The following RAB11FIP2 variants were observed in gnomAD, a reference collection of about 807,000 sequenced individuals.
RAB11FIP2 encodes RAB11 family interacting protein 2, also known as rab11 family-interacting protein 2.
Under a neutral mutation model 40.9 loss-of-function variants are expected in RAB11FIP2, and 16 were observed. The ratio of observed to expected loss-of-function variants is 0.39; its 90% CI spans 0.26 to 0.59. RAB11FIP2 has a LOEUF of 0.59. Ranked by LOEUF, RAB11FIP2 falls within the 20% of genes least tolerant of loss-of-function variation. The pLI, the probability that RAB11FIP2 is intolerant of heterozygous loss-of-function variation, is 0.53. For synonymous variants in RAB11FIP2, 228 were observed against 213.7 expected, an observed-to-expected ratio of 1.07 and a Z score of -0.58; for missense variants, 532 against 606.2, an observed-to-expected ratio of 0.88 and a Z score of 1.28.
At chr10:118,043,074 CT>C (rs1313016420) in intron 1 of RAB11FIP2, among the ~76,000 whole-genome samples, 4 of 152,086 alleles carry the variant, frequency 2.6e-5, no homozygotes, top group African/African-American at 9.7e-5. Context: ...TGGATTTAAA[CT>C]GTACATGGCC....
At chr10:118,019,650 C>T (rs1194952905) in intron 3 of RAB11FIP2, among the ~76,000 whole-genome samples, 1 of 151,666 alleles carries the variant, frequency 6.6e-6, no homozygotes, top group Non-Finnish European at 1.5e-5. Context: ...GGTGAAACCC[C>T]GTCTCTACTA....
chr10:118,008,940 C>T lies in RAB11FIP2; in HGVS notation c.*58G>A. ...CTCTTTCAGTAACAAGTTTTTCCTT[C>T]CTTCCTTCTTTCTTTCTCTCTCTTT... is the stretch of plus-strand genomic sequence containing the variant. On this transcript the variant is annotated 3_prime_UTR_variant, in exon 5 of 5. Coordinates refer to ENST00000355624, the MANE Select transcript of RAB11FIP2 (RefSeq NM_014904.3). The T allele has an allele frequency of 5.2e-6, 7 of 1,352,960 alleles. No individual in the cohort carries two copies. Among genetic ancestry groups the T allele is most frequent in the Admixed American group, 1.8e-5 (1 of 54,082 alleles). 83.8% of individuals were successfully genotyped at this position (1,352,960 alleles called of 1,614,324 possible). A position where few individuals can be genotyped will look rare whatever the true frequency, so the allele number is the denominator to read the frequency against.
chr10:118,023,387 A>G (rs962930122), intron 3 of RAB11FIP2, among the ~76,000 whole-genome samples: 5 of 152,206 alleles, frequency 3.3e-5, no homozygotes, highest in Admixed American at 6.5e-5. Flanking sequence ...ACGAAACTCA[A>G]TATTTTTTCT....
chr10:118,015,789 A>G (rs909726076), intron 3 of RAB11FIP2, among the ~76,000 whole-genome samples: 7 of 152,286 alleles, frequency 4.6e-5, no homozygotes, highest in Non-Finnish European at 7.4e-5. Context: ...CTGCAACCAA[A>G]AGACGCTAAA....
chr10:118,037,073 CAG>C (rs1846490850), intron 3 of RAB11FIP2, among the ~76,000 whole-genome samples: 2 of 152,072 alleles, frequency 1.3e-5, no homozygotes, highest in African/African-American at 4.8e-5. Flanking sequence ...CAAGTTACCT[CAG>C]ACAGTTGTTT....
intron 2 of RAB11FIP2, 36 bp downstream of exon 2, chr10:118,040,087 T>C: frequency 6.4e-7 from 1 of 1,555,966 alleles, no homozygotes; most frequent in Non-Finnish European, 8.8e-7. Context: ...AAAAGGGTAG[T>C]TCAGACCAAT....
At position 118,014,186 on chromosome 10, in the gene RAB11FIP2, T is replaced by C. The variant is rs58937518; in HGVS notation, c.1311+879A>G. Among the ~76,000 whole-genome samples, 876 of 152,224 alleles carry C rather than the reference T, an allele frequency of 5.8e-3. 6 individuals carry two copies. The highest frequency in any genetic ancestry group is 0.02 in the African/African-American group (818 of 41,566). ...ACCCTAAACCCACCTTAGCTTCTTC[T>C]AGCCATGTCACATCCTAAAAAATAG... On this transcript the variant is annotated intron_variant, in intron 4 of 4. Transcript: ENST00000355624.
At chr10:118,045,573 T>G in intron 1 of RAB11FIP2, 1 of 448,588 alleles carries the variant, frequency 2.2e-6, no homozygotes, top group Non-Finnish European at 4.0e-6. Context: ...CCACAAAATA[T>G]TCAATTATTT....
At chr10:118,041,087 T>A (rs1846552280) in intron 1 of RAB11FIP2, among the ~76,000 whole-genome samples, 1 of 152,110 alleles carries the variant, frequency 6.6e-6, no homozygotes, top group Non-Finnish European at 1.5e-5. Context: ...AAGAATTTTG[T>A]TAACATTGGA....
At chr10:118,030,566 C>A (rs1386138728) in intron 3 of RAB11FIP2, among the ~76,000 whole-genome samples, 2 of 151,994 alleles carry the variant, frequency 1.3e-5, no homozygotes, top group African/African-American at 2.4e-5. Context: ...AGATGCTTTT[C>A]TTTTAGCACC....
At chr10:118,030,837 G>A (rs1299107015) in intron 3 of RAB11FIP2, among the ~76,000 whole-genome samples, 1 of 152,102 alleles carries the variant, frequency 6.6e-6, no homozygotes, top group Admixed American at 6.6e-5. Flanking sequence ...CCCACTGGGA[G>A]ATACACCAAT....
intron 3 of RAB11FIP2, among the ~76,000 whole-genome samples, chr10:118,027,143 C>G (rs1846352633): frequency 2.0e-5 from 3 of 152,188 alleles, no homozygotes; most frequent in African/African-American, 7.2e-5. Context: ...ACACTACCCT[C>G]AGCACTTTTT....
chr10:118,015,356 T>G (rs1429029373), intron 3 of RAB11FIP2, among the ~76,000 whole-genome samples: 1 of 152,184 alleles, frequency 6.6e-6, no homozygotes, highest in Non-Finnish European at 1.5e-5. Context: ...AAATAGGAAG[T>G]TTCTAAACAA....
chr10:118,015,332 A>C (rs1049525151), intron 3 of RAB11FIP2, among the ~76,000 whole-genome samples: 50 of 152,332 alleles, frequency 3.3e-4, no homozygotes, highest in African/African-American at 1.2e-3. Flanking sequence ...TTTAGTTATC[A>C]GAACTGAAGA....
In RAB11FIP2 at chr10:118,021,965, T is replaced by A. The variant is rs1846287812; in HGVS notation, c.1266-6855A>T. Reference sequence around the variant, plus strand: ...AGTAGTAAATCTTTTCAACTACCAATCTCTTTACCCTTTATAATGTCATGC... The same window carrying A: ...AGTAGTAAATCTTTTCAACTACCAAACTCTTTACCCTTTATAATGTCATGC... On this transcript the variant is annotated intron_variant, in intron 3 of 4. Coordinates refer to ENST00000355624, the MANE Select transcript of RAB11FIP2 (RefSeq NM_014904.3). Among the ~76,000 whole-genome samples the A allele has an allele frequency of 2.0e-5, 3 of 152,226 alleles. No homozygotes were observed. In the South Asian group the frequency reaches 6.2e-4, roughly 31 times the overall value.
In RAB11FIP2 at chr10:118,046,327, G is replaced by C. The variant is rs997195714; in HGVS notation, c.-164C>G. 4.6e-6 allele frequency: 3 copies of C among 648,686 alleles called. No homozygotes were observed. 40.2% of individuals were successfully genotyped at this position (648,686 alleles called of 1,614,324 possible). Reference sequence around the variant, plus strand: ...GCTGATGTCAAAACGCCTCGCGGGGGCAGCCCAGGGGCACGGCCGCTCCGG... The same window carrying C: ...GCTGATGTCAAAACGCCTCGCGGGGCCAGCCCAGGGGCACGGCCGCTCCGG... On this transcript the variant is annotated 5_prime_UTR_variant, in exon 1 of 5. Coordinates refer to ENST00000355624, the MANE Select transcript of RAB11FIP2 (RefSeq NM_014904.3).
chr10:118,029,290 CCTT>C (rs2133174544), intron 3 of RAB11FIP2, among the ~76,000 whole-genome samples: 1 of 151,998 alleles, frequency 6.6e-6, no homozygotes, highest in African/African-American at 2.4e-5. Flanking sequence ...AAAGATGTTC[CCTT>C]CTTCTCCCTC....
chr10:118,030,897 T>C (rs1846405525), intron 3 of RAB11FIP2, among the ~76,000 whole-genome samples: 1 of 152,122 alleles, frequency 6.6e-6, no homozygotes, highest in South Asian at 2.1e-4. Flanking sequence ...GTAAAAAAGT[T>C]TCAAGTAGTA....
At chr10:118,032,925 T>C (rs1428439035) in intron 3 of RAB11FIP2, among the ~76,000 whole-genome samples, 1 of 152,084 alleles carries the variant, frequency 6.6e-6, no homozygotes, top group African/African-American at 2.4e-5. Context: ...GTGCTTGTGT[T>C]TGAGTAGCCC....
Sources: allele counts gnomAD v4.1 joint callset (sites outside exome capture counted in the v4.1 genomes callset), GRCh38; gene constraint gnomAD v4.1.1; transcripts MANE v1.5; gene names NCBI Gene and HGNC (gene_info 2026-07-23, HGNC 2026-07-21).